CWF19L1: variants seen among roughly 807,000 people sequenced by gnomAD.
The protein encoded by CWF19L1 is CWF19-like protein 1.
CWF19L1 carries 60 observed loss-of-function variants against 69.7 expected under a neutral mutation model. The ratio of observed to expected loss-of-function variants is 0.86; its 90% confidence interval spans 0.70 to 1.07. The LOEUF (loss-of-function observed/expected upper bound fraction) is 1.07. Ranked by LOEUF, CWF19L1 falls within the 50% of genes least tolerant of loss-of-function variation. The pLI, the probability that CWF19L1 is intolerant of heterozygous loss-of-function variation, is 0.00. For synonymous variants in CWF19L1, 209 were observed against 222.2 expected (o/e 0.94, Z 0.53); for missense variants, 591 against 638.9 (o/e 0.92, Z 0.81).
chr10:100,256,304 T>C lies in CWF19L1; in HGVS notation c.462A>G (p.Thr154=). ...TCCCCACACACTTGGGCCATGGGGA[T>C]GTGAGCAAGATATCAACACCCTTAA... ...SQFKGVDILL[T]SPWPKCVGNF... is the part of the protein sequence containing the mutation. The change falls in exon 5 of 14, where the codon ACA becomes ACG. Residue 154 remains threonine (T), a synonymous_variant. Coordinates refer to ENST00000354105, the MANE Select transcript of CWF19L1 (RefSeq NM_018294.6). The C allele has an allele frequency of 6.2e-7, 1 of 1,614,174 alleles. No individual in the cohort carries two copies. The highest frequency in any genetic ancestry group is 8.5e-7 in the Non-Finnish European group (1 of 1,180,014).
At chr10:100,251,679 T>A (rs375652206) in intron 6 of CWF19L1, among the ~76,000 whole-genome samples, 13 of 151,960 alleles carry the variant, frequency 8.6e-5, no homozygotes, top group African/African-American at 2.9e-4. Flanking sequence ...GCCCAGCTAA[T>A]TTTTTGTATT....
chr10:100,253,388 T>C (rs1197865811), intron 6 of CWF19L1, 33 bp downstream of exon 6: 1 of 1,309,086 alleles, frequency 7.6e-7, no homozygotes. Context: ...GGCAAATTCT[T>C]CAAAAAGCCA....
intron 11 of CWF19L1, chr10:100,237,207 GT>G (rs1846471843): frequency 1.4e-6 from 1 of 701,506 alleles, no homozygotes; most frequent in Admixed American, 1.8e-5. Context: ...AGATATCTCC[GT>G]CACAAGCCTT....
At chr10:100,236,416 A>G (rs1159805482) in intron 12 of CWF19L1, among the ~76,000 whole-genome samples, 1 of 152,114 alleles carries the variant, frequency 6.6e-6, no homozygotes, top group South Asian at 2.1e-4. Context: ...CCCATTGCCT[A>G]TTTAATAACA....
chr10:100,249,102 C>T (rs1449987320), intron 7 of CWF19L1: 2 of 490,850 alleles, frequency 4.1e-6, no homozygotes, highest in Admixed American at 3.2e-5. Context: ...CCTCCGCAGG[C>T]CAACTGGGCC....
rs756969873 is a variant in CWF19L1 at position 100,235,722 on chromosome 10, T to G, written c.1417A>C (p.Thr473Pro). The change falls in exon 13 of 14, where the codon ACA becomes CCA. Residue 473 changes from threonine to proline, a missense_variant. Thr to Pro is a conservative substitution (Grantham distance 38). This residue lies in a region of CWF19L1 where 458 missense variants were observed against 489.3 expected (regional missense o/e 0.94). Coordinates refer to ENST00000354105, the MANE Select transcript of CWF19L1 (RefSeq NM_018294.6). Reference sequence around the variant, plus strand: ...ATTCTGTGGAAAAGCTTTTCTCCTGTGTCAAGTTCAACATAAAAATATGCT... The same window carrying G: ...ATTCTGTGGAAAAGCTTTTCTCCTGGGTCAAGTTCAACATAAAAATATGCT... ...GAAYFYVELDTGEKLFHRIKK... is the reference protein window; with the variant it reads ...GAAYFYVELDPGEKLFHRIKK... 11 of 1,612,480 alleles carry G rather than the reference T, an allele frequency of 6.8e-6. No homozygotes were observed. The South Asian group carries it at 1.2e-4, about 18-fold the overall frequency.
intron 4 of CWF19L1, 43 bp from the exon 5 acceptor site, chr10:100,256,519 G>A (rs1276918010): frequency 2.0e-6 from 3 of 1,512,618 alleles, no homozygotes; most frequent in Middle Eastern, 1.7e-4. Context: ...CAGAATTGCA[G>A]AATGAAAAGC....
At chr10:100,253,107 A>G (rs1202364673) in intron 6 of CWF19L1, among the ~76,000 whole-genome samples, 1 of 152,008 alleles carries the variant, frequency 6.6e-6, no homozygotes, top group Non-Finnish European at 1.5e-5. Flanking sequence ...ATAGTCTTGA[A>G]CTCCTGGGCT....
At chr10:100,244,144 G>A (rs1252628590) in intron 9 of CWF19L1, among the ~76,000 whole-genome samples, 60 of 152,114 alleles carry the variant, frequency 3.9e-4, no homozygotes, top group Non-Finnish European at 5.9e-5. Flanking sequence ...ACCCTCCCAA[G>A]GTCAGCTTCT....
Position 100,253,484 on chromosome 10 carries a change from C to G in CWF19L1, c.560G>C (p.Gly187Ala). ...AGCAAAATGGTATCTTGGTTTCAAG[C>G]CCGTGGCAAGACTGGAAACCAAAGC... is the stretch of plus-strand genomic sequence containing the variant. Reference protein sequence around the residue: ...GSALVSSLATGLKPRYHFAAL... With the variant: ...GSALVSSLATALKPRYHFAAL... The change falls in exon 6 of 14, where the codon GGC becomes GCC. Residue 187 changes from glycine (G) to alanine (A), a missense_variant. By Grantham distance (60) the Gly-to-Ala change is moderately conservative. Transcript: ENST00000354105. The G allele has an allele frequency of 6.2e-7, 1 of 1,614,084 alleles. No homozygotes were observed. The highest frequency in any genetic ancestry group is 8.5e-7 in the Non-Finnish European group (1 of 1,179,970).
Position 100,262,042 on chromosome 10 carries a change from T to G in CWF19L1, c.45A>C (p.Glu15Asp). The stretch of plus-strand genomic sequence containing the variant: ...TATTGAATAAAATATCAAACTTTCC[T>G]TCAACATCTCCACAAGCCAAGCTGC... ...PLRLLACGDV[E>D]GKFDILFNRV... The change falls in exon 2 of 14, where the codon GAA (glutamate) becomes GAC (aspartate). Residue 15 changes from glutamate to aspartate, a missense_variant. Physicochemically the swap from Glu to Asp is conservative, Grantham distance 45. This residue lies in a region of CWF19L1 where 129 missense variants were observed against 131.3 expected (regional missense o/e 0.98). Transcript: ENST00000354105. 1.9e-6 allele frequency: 3 copies of G among 1,610,868 alleles called. No homozygotes were observed. Among genetic ancestry groups the G allele is most frequent in the Non-Finnish European group, 2.5e-6 (3 of 1,179,250 alleles).
At chr10:100,241,028 T>TTTTTTG in intron 10 of CWF19L1, among the ~76,000 whole-genome samples, 1 of 140,784 alleles carries the variant, frequency 7.1e-6, no homozygotes, top group Non-Finnish European at 1.5e-5. Context: ...TTTTTTTTTT[T>TTTTTTG]GTGACAGAGT....
chr10:100,262,290 C>A (rs558163822), intron 1 of CWF19L1: 1 of 985,432 alleles, frequency 1.0e-6, no homozygotes, highest in South Asian at 4.7e-5. Flanking sequence ...CACAATTGAG[C>A]CAGCTTCTTC....
chr10:100,261,076 A>G, intron 2 of CWF19L1, 32 bp from the exon 3 acceptor site: 2 of 1,403,676 alleles, frequency 1.4e-6, no homozygotes, highest in South Asian at 1.2e-5. Flanking sequence ...GATATATGAG[A>G]TTTTAAAATA....
In CWF19L1 at chr10:100,267,638, T is replaced by A; in HGVS notation, c.-45A>T. The stretch of plus-strand genomic sequence containing the variant: ...TGCGACTGCCACCTAAAATTGGGAA[T>A]GCGAATCCGCGCTCCCCGGAAAAAT... On this transcript the variant is annotated 5_prime_UTR_variant, in exon 1 of 14. Coordinates refer to ENST00000354105, the MANE Select transcript of CWF19L1 (RefSeq NM_018294.6). 1 of 1,611,926 alleles carries A rather than the reference T, an allele frequency of 6.2e-7. No individual in the cohort carries two copies. Among genetic ancestry groups the A allele is most frequent in the Non-Finnish European group, 8.5e-7 (1 of 1,177,970 alleles).
intron 6 of CWF19L1, among the ~76,000 whole-genome samples, chr10:100,252,654 G>T (rs777310676): frequency 1.3e-5 from 2 of 151,958 alleles, no homozygotes; most frequent in African/African-American, 4.8e-5. Flanking sequence ...CTGACATGGT[G>T]AAACCCCGTC....
Position 100,245,808 on chromosome 10 carries a change from G to C in CWF19L1, c.955C>G (p.Arg319Gly). ...GAATAAAGGTACTTACGAGGTTTGCGAGGCTGCTTTGGATGAGGAGAAGAT... is the reference window on the plus strand; with the variant it reads ...GAATAAAGGTACTTACGAGGTTTGCCAGGCTGCTTTGGATGAGGAGAAGAT... ...SKSSPHPKQP[R>G]KPPQPPGPCW... The change falls in exon 9 of 14, where the codon CGC becomes GGC. Residue 319 changes from arginine (R) to glycine (G), a missense_variant. By Grantham distance (125) the Arg-to-Gly change is moderately radical. This residue lies in a region of CWF19L1 where 458 missense variants were observed against 489.3 expected (regional missense o/e 0.94). Transcript: ENST00000354105. The C allele has an allele frequency of 6.2e-7, 1 of 1,613,308 alleles. No homozygotes were observed. The highest frequency in any genetic ancestry group is 8.5e-7 in the Non-Finnish European group (1 of 1,179,216).
chr10:100,256,427 G>C lies in CWF19L1; in HGVS notation c.339C>G (p.Leu113=), dbSNP rs748927240. ...GCTCATTTAAGGATTCTGTCCCACT[G>C]AGGTACACAATCTGCAGCCCCGAGC... ...TGSSGLQIVY[L]SGTESLNEPV... is the part of the protein sequence containing the mutation. Residue 113 remains leucine, a synonymous_variant, in exon 5 of 14, where the codon CTC becomes CTG. Transcript: ENST00000354105. 1 of 1,614,178 alleles carries C rather than the reference G, an allele frequency of 6.2e-7. No homozygotes were observed. The highest frequency in any genetic ancestry group is 8.5e-7 in the Non-Finnish European group (1 of 1,180,030).
intron 5 of CWF19L1, chr10:100,254,739 GCCT>G (rs1176394861): frequency 6.6e-6 from 1 of 152,094 alleles, no homozygotes; most frequent in Non-Finnish European, 1.5e-5. Context: ...AAACAAAGGG[GCCT>G]CATTTTCTCA....
Sources: allele counts gnomAD v4.1 joint callset (sites outside exome capture counted in the v4.1 genomes callset), GRCh38; gene constraint gnomAD v4.1.1; regional missense constraint gnomAD v4.1.1; transcripts MANE v1.5; gene names NCBI Gene and HGNC (gene_info 2026-07-23, HGNC 2026-07-21).